Variants in CD5 observed in about 807,000 individuals in gnomAD.
The protein encoded by CD5 is CD5 molecule, also known as T-cell surface glycoprotein CD5.
In CD5, 36 loss-of-function variants were observed where a neutral mutation model predicts 60.3. The observed-to-expected ratio is 0.60, with a 90% CI of 0.46 to 0.79. The LOEUF is 0.79. Among genes scored for constraint, CD5 ranks in the 30% least tolerant of loss-of-function variants. The pLI, the probability that CD5 is intolerant of heterozygous loss-of-function variation, is 0.00. For missense variants in CD5, 540 were observed against 630.6 expected, an observed-to-expected ratio of 0.86 and a Z score of 1.54; for synonymous variants, 230 against 257.6, an observed-to-expected ratio of 0.89 and a Z score of 1.03.
chr11:61,118,557 T>C lies in CD5; in HGVS notation c.400+77T>C. The stretch of plus-strand genomic sequence containing the variant: ...AGGAGACTGCCCGAGGCCTGTGATC[T>C]AGGGTCTGAGCAGGCTGGTGGAAGG... On this transcript the variant is annotated intron_variant, in intron 3 of 10. Coordinates refer to ENST00000347785, the MANE Select transcript of CD5 (RefSeq NM_014207.4). The surrounding 1 kb of genome is among the most constrained non-coding windows in gnomAD (Gnocchi z 4.7). 1.4e-6 allele frequency: 2 copies of C among 1,456,994 alleles called. No individual in the cohort carries two copies. The highest frequency in any genetic ancestry group is 1.9e-6 in the Non-Finnish European group (2 of 1,061,238). 90.3% of individuals were successfully genotyped at this position (1,456,994 alleles called of 1,614,324 possible).
upstream of CD5, among the ~76,000 whole-genome samples, chr11:61,100,135 C>A (rs1418276765): frequency 3.2e-5 from 4 of 123,512 alleles, no homozygotes; most frequent in South Asian, 2.9e-4. Flanking sequence ...TCACACACAT[C>A]AACATGGAGA....
chr11:61,108,693 G>A (rs748810169), intron 1 of CD5, among the ~76,000 whole-genome samples: 6 of 152,192 alleles, frequency 3.9e-5, no homozygotes, highest in Non-Finnish European at 8.8e-5. Flanking sequence ...GGACATCGAT[G>A]GCTGTAGCTA....
chr11:61,098,255 C>T (rs967347619), upstream of CD5, among the ~76,000 whole-genome samples: 19 of 152,176 alleles, frequency 1.2e-4, no homozygotes, highest in African/African-American at 4.3e-4. Context: ...AAAGCTTCAT[C>T]GCTACCTTAG....
In CD5 at chr11:61,118,481, G is replaced by T. The variant is rs1407863109; in HGVS notation, c.400+1G>T. 1 of 1,611,904 alleles carries T rather than the reference G, an allele frequency of 6.2e-7. No individual in the cohort carries two copies. The highest frequency in any genetic ancestry group is 1.1e-5 in the South Asian group (1 of 91,060). On this transcript the variant is annotated splice_donor_variant, in intron 3 of 10. Coordinates refer to ENST00000347785, the MANE Select transcript of CD5 (RefSeq NM_014207.4). LOFTEE classifies it high-confidence loss of function. This position sits in a 1 kb window ranked among gnomAD's most constrained non-coding sequence, Gnocchi z 4.7. ...CACTCTCTGGGCCTGACCTGCTTAG[G>T]TGGGTAACTAGCCAGCCACACGGGC...
chr11:61,122,043 GA>G lies in CD5; in HGVS notation c.1099+142del, dbSNP rs1350391723. 18 of 666,254 alleles carry G rather than the reference GA, an allele frequency of 2.7e-5. No homozygotes were observed. The African/African-American group carries it at 3.0e-4, about 11-fold the overall frequency. 41.3% of individuals were successfully genotyped at this position (666,254 alleles called of 1,614,324 possible). A position where few individuals can be genotyped will look rare whatever the true frequency, so the allele number is the denominator to read the frequency against. On this transcript the variant is annotated intron_variant, in intron 6 of 10. Transcript: ENST00000347785. ...GAGACCCAGAAAGGATGGAGACAGG[GA>G]AATTGGAAGGCTAGGGAGCAAGAGT...
chr11:61,100,483 C>T (rs561066852), upstream of CD5, among the ~76,000 whole-genome samples: 1 of 147,340 alleles, frequency 6.8e-6, no homozygotes, highest in East Asian at 2.1e-4. Context: ...ATGGAGATTA[C>T]ACACACAACA....
rs1319727534 is a variant in CD5, at chr11:61,127,201, T to C, written c.*916T>C. The C allele has an allele frequency of 2.0e-5, 3 of 152,244 alleles. No homozygotes were observed. Among genetic ancestry groups the C allele is most frequent in the African/African-American group, 7.2e-5 (3 of 41,460 alleles). The allele number at this position is 152,244 out of a possible 1,614,324, so 9.4% of individuals were successfully genotyped here. A position where few individuals can be genotyped will look rare whatever the true frequency, so the allele number is the denominator to read the frequency against. ...CTCCCTTGACGAAAACAGACTCCTC[T>C]AGTACTTGGAGATCTTGGACGTACA... On this transcript the variant is annotated 3_prime_UTR_variant, in exon 11 of 11. Transcript: ENST00000347785.
Position 61,119,270 on chromosome 11 carries a change from G to C in CD5, c.500G>C (p.Gly167Ala). 6.2e-7 allele frequency: 1 copy of C among 1,612,646 alleles called. No homozygotes were observed. Among genetic ancestry groups the C allele is most frequent in the South Asian group, 1.1e-5 (1 of 90,980 alleles). The change falls in exon 5 of 11, where the codon GGC becomes GCC. Residue 167 changes from glycine to alanine, a missense_variant. Coordinates refer to ENST00000347785, the MANE Select transcript of CD5 (RefSeq NM_014207.4). ...PRLQLVAQSGGQHCAGVVEFY... is the reference protein window; with the variant it reads ...PRLQLVAQSGAQHCAGVVEFY... ...CTGCAGCTGGTGGCACAGTCTGGCG[G>C]CCAGCACTGTGCCGGCGTGGTGGAG...
chr11:61,124,962 G>T, intron 8 of CD5, 70 bp from the exon 9 acceptor site: 1 of 1,598,824 alleles, frequency 6.3e-7, no homozygotes, highest in Non-Finnish European at 8.6e-7. Flanking sequence ...TTAAAGTTCT[G>T]GGCACCTGCT....
intron 1 of CD5, among the ~76,000 whole-genome samples, chr11:61,107,331 G>A (rs753942662): frequency 2.0e-5 from 3 of 152,146 alleles, no homozygotes; most frequent in Non-Finnish European, 4.4e-5. Flanking sequence ...TGAGGACTTG[G>A]GCTTTTTCTC....
chr11:61,103,267 C>G (rs996973763), intron 1 of CD5, among the ~76,000 whole-genome samples: 1 of 152,206 alleles, frequency 6.6e-6, no homozygotes, highest in Non-Finnish European at 1.5e-5. Flanking sequence ...CCTGTGTGAC[C>G]TCGGATAGGT....
At chr11:61,112,918 C>A (rs953079862) in intron 1 of CD5, among the ~76,000 whole-genome samples, 15 of 152,208 alleles carry the variant, frequency 9.9e-5, no homozygotes, top group African/African-American at 3.6e-4. Context: ...TGAGAACACT[C>A]AAGCAAGAAC....
At chr11:61,102,368 GT>G, upstream of CD5, 1 of 595,712 alleles carries the variant, frequency 1.7e-6, no homozygotes, top group South Asian at 2.0e-5. Context: ...GGGGCAGGTG[GT>G]TTTGCCAGGA....
intron 2 of CD5, among the ~76,000 whole-genome samples, chr11:61,116,617 CCACA>C (rs779668547): frequency 4.5e-5 from 2 of 44,484 alleles, no homozygotes; most frequent in East Asian, 7.4e-4. Context: ...CACACACATA[CCACA>C]CACACACCAC....
At chr11:61,097,110 C>T in the CD5 span, among the ~76,000 whole-genome samples, 2 of 152,146 alleles carry the variant, frequency 1.3e-5, no homozygotes, top group African/African-American at 2.4e-5. Context: ...ACTCAATGTG[C>T]CAGTACCACA....
In CD5 at chr11:61,125,118, C is replaced by T. The variant is rs1310670219; in HGVS notation, c.1366C>T (p.Pro456Ser). Residue 456 changes from proline (P) to serine (S), a missense_variant, in exon 9 of 11, where the codon CCT (proline) becomes TCT (serine). Transcript: ENST00000347785. ...ASHVDNEYSQ[P>S]PRNSHLSAYP... ...CCACGTGGATAACGAATACAGCCAACCTCCCAGGAACTCCCACCTGTCAGC... is the reference window on the plus strand; with the variant it reads ...CCACGTGGATAACGAATACAGCCAATCTCCCAGGAACTCCCACCTGTCAGC... The T allele has an allele frequency of 6.2e-7, 1 of 1,614,124 alleles. No homozygotes were observed. The highest frequency in any genetic ancestry group is 1.1e-5 in the South Asian group (1 of 91,082).
chr11:61,120,471 T>C (rs1201384959), intron 5 of CD5, among the ~76,000 whole-genome samples: 3 of 152,164 alleles, frequency 2.0e-5, no homozygotes, highest in Admixed American at 2.0e-4. Context: ...GCTAAACCTC[T>C]CGCCCAGTAC....
chr11:61,117,655 A>C (rs1158909955), intron 2 of CD5, among the ~76,000 whole-genome samples: 1 of 151,832 alleles, frequency 6.6e-6, no homozygotes, highest in East Asian at 1.9e-4. Flanking sequence ...CACCCAGCTA[A>C]TTTTTGGTAT....
intron 2 of CD5, among the ~76,000 whole-genome samples, chr11:61,117,132 C>T (rs530829141): frequency 2.6e-4 from 39 of 152,368 alleles, no homozygotes; most frequent in African/African-American, 7.9e-4. Context: ...AGTGAACTAT[C>T]ATTCGGCAAT....
Sources: allele counts gnomAD v4.1 joint callset (sites outside exome capture counted in the v4.1 genomes callset), GRCh38; gene constraint gnomAD v4.1.1; non-coding constraint Gnocchi (gnomAD v3.1); transcripts MANE v1.5; gene names NCBI Gene and HGNC (gene_info 2026-07-23, HGNC 2026-07-21).